Variants in ATXN7L1 observed in about 807,000 individuals in gnomAD.
ATXN7L1 encodes the protein ataxin-7-like protein 1.
A neutral mutation model predicts 70.8 loss-of-function variants in ATXN7L1; 15 were observed. That is an observed-to-expected ratio of 0.21 (90% CI 0.14 to 0.33). The LOEUF (loss-of-function observed/expected upper bound fraction) is 0.33. Among genes scored for constraint, ATXN7L1 ranks in the 10% least tolerant of loss-of-function variants. The pLI is 1.00. For synonymous variants in ATXN7L1, 440 were observed against 445.1 expected (o/e 0.99, Z 0.14); for missense variants, 975 against 1,097.1 (o/e 0.89, Z 1.57).
At chr7:105,849,305 G>A (rs777779068) in intron 2 of ATXN7L1, among the ~76,000 whole-genome samples, 4 of 152,192 alleles carry the variant, frequency 2.6e-5, no homozygotes, top group Admixed American at 6.5e-5. Context: ...CCGTCCCTAC[G>A]TAGTGATATG....
At chr7:105,714,284 C>T (rs1365413857) in intron 3 of ATXN7L1, among the ~76,000 whole-genome samples, 1 of 152,190 alleles carries the variant, frequency 6.6e-6, no homozygotes, top group African/African-American at 2.4e-5. Flanking sequence ...CCAGATGGAG[C>T]CCACAGCTCT....
In ATXN7L1 at chr7:105,733,676, A is replaced by T. The variant is rs1157719423; in HGVS notation, c.355+54928T>A. Reference sequence around the variant, plus strand: ...CATCCATCCATCCATCCATCCATCCATCCACCCATCCACCCATCCATCCAT... The same window carrying T: ...CATCCATCCATCCATCCATCCATCCTTCCACCCATCCACCCATCCATCCAT... On this transcript the variant is annotated intron_variant, in intron 3 of 11. Coordinates refer to ENST00000419735, the MANE Select transcript of ATXN7L1 (RefSeq NM_020725.2). Among the ~76,000 whole-genome samples, 56 of 125,212 alleles carry T rather than the reference A, an allele frequency of 4.5e-4. 5 individuals are homozygous for T. The highest frequency in any genetic ancestry group is 6.2e-4 in the Non-Finnish European group (36 of 57,628). 82.1% of individuals were successfully genotyped at this position (125,212 alleles called of 152,430 possible).
intron 3 of ATXN7L1, among the ~76,000 whole-genome samples, chr7:105,671,827 C>A (rs1803753318): frequency 8.0e-6 from 1 of 125,570 alleles, no homozygotes; most frequent in Non-Finnish European, 1.6e-5. Flanking sequence ...GAGGTCAAGG[C>A]TGCAGTGAGC....
At chr7:105,728,610 A>G (rs541500292) in intron 3 of ATXN7L1, among the ~76,000 whole-genome samples, 1 of 152,340 alleles carries the variant, frequency 6.6e-6, no homozygotes, top group East Asian at 1.9e-4. Context: ...GAGAAGGCCC[A>G]GAAGCAGCAA....
chr7:105,779,906 A>G (rs866782136), intron 3 of ATXN7L1, among the ~76,000 whole-genome samples: 51 of 152,252 alleles, frequency 3.3e-4, no homozygotes, highest in African/African-American at 1.2e-3. Context: ...AGTCATATAA[A>G]AGACAACTAA....
intron 8 of ATXN7L1, among the ~76,000 whole-genome samples, chr7:105,621,624 G>A (rs772464093): frequency 3.3e-5 from 5 of 152,320 alleles, no homozygotes; most frequent in South Asian, 2.1e-4. Flanking sequence ...TAGGGCAACC[G>A]GAAGGCTAGC....
intron 2 of ATXN7L1, among the ~76,000 whole-genome samples, chr7:105,852,649 C>A (rs62482788): frequency 0.13 from 19,769 of 151,678 alleles, 1,467 homozygotes; most frequent in Middle Eastern, 0.21. Flanking sequence ...GAGAGGTGCA[C>A]CTCGGCTGGC....
Position 105,605,479 on chromosome 7 carries a change from G to GGGT in ATXN7L1, c.*2372_*2373insACC, listed in dbSNP as rs1554376656. 3 of 100,734 alleles carry GGGT rather than the reference G, an allele frequency of 3.0e-5. No homozygotes were observed. Among genetic ancestry groups the GGGT allele is most frequent in the African/African-American group, 6.8e-5 (2 of 29,320 alleles). The allele number at this position is 100,734 out of a possible 1,614,324, so 6.2% of individuals were successfully genotyped here. On this transcript the variant is annotated 3_prime_UTR_variant, in exon 12 of 12. Coordinates refer to ENST00000419735, the MANE Select transcript of ATXN7L1 (RefSeq NM_020725.2). The stretch of plus-strand genomic sequence containing the variant: ...GTAAGCAGCATTCGATGAGGGTGGG[G>GGGT]GGGGGGGTGGGGGCTCTTTATTCCA...
chr7:105,770,377 G>A (rs1801821071), intron 3 of ATXN7L1, among the ~76,000 whole-genome samples: 1 of 152,204 alleles, frequency 6.6e-6, no homozygotes, highest in African/African-American at 2.4e-5. Flanking sequence ...CCTATAAATG[G>A]ATACCCGTTA....
At chr7:105,712,509 C>A (rs1262673578) in intron 3 of ATXN7L1, among the ~76,000 whole-genome samples, 2 of 152,170 alleles carry the variant, frequency 1.3e-5, no homozygotes, top group East Asian at 3.8e-4. Flanking sequence ...TTAGAAACAA[C>A]CAGGTCACAT....
At chr7:105,802,359 G>A (rs1197751295) in intron 2 of ATXN7L1, among the ~76,000 whole-genome samples, 1 of 152,048 alleles carries the variant, frequency 6.6e-6, no homozygotes, top group East Asian at 1.9e-4. Context: ...CTAAGCATCA[G>A]CCCCCAGTCC....
At chr7:105,841,229 C>T (rs1408840426) in intron 2 of ATXN7L1, among the ~76,000 whole-genome samples, 2 of 152,142 alleles carry the variant, frequency 1.3e-5, no homozygotes, top group Admixed American at 6.5e-5. Flanking sequence ...AGCATGAGAC[C>T]GCAGGTTCTG....
chr7:105,733,492 A>G (rs1173820437), intron 3 of ATXN7L1, among the ~76,000 whole-genome samples: 4 of 149,488 alleles, frequency 2.7e-5, no homozygotes, highest in African/African-American at 9.9e-5. Flanking sequence ...CCATCCATCC[A>G]CCCATCCATC....
In ATXN7L1 at chr7:105,614,090, G is replaced by C; in HGVS notation, c.2244C>G (p.Pro748=). 1 of 1,551,746 alleles carries C rather than the reference G, an allele frequency of 6.4e-7. No homozygotes were observed. Among genetic ancestry groups the C allele is most frequent in the Non-Finnish European group, 8.7e-7 (1 of 1,147,010 alleles). The change falls in exon 10 of 12, where the codon CCC becomes CCG. Residue 748 remains proline (P), a synonymous_variant. Transcript: ENST00000419735. The surrounding 1 kb of genome is among the most constrained non-coding windows in gnomAD (Gnocchi z 4.3). ...GSSDSCPLSV[P]SLALHAGDLS... is the part of the protein sequence containing the mutation. The stretch of plus-strand genomic sequence containing the variant: ...GGTCCCCTGCGTGGAGCGCAAGGGA[G>C]GGCACAGAGAGGGGACAGGAGTCAC...
intron 3 of ATXN7L1, among the ~76,000 whole-genome samples, chr7:105,764,309 A>C (rs1800954963): frequency 6.6e-6 from 1 of 152,080 alleles, no homozygotes; most frequent in Non-Finnish European, 1.5e-5. Flanking sequence ...AAGAAAAAAA[A>C]AAAACCACAA....
chr7:105,691,946 A>C (rs1288746694), intron 3 of ATXN7L1, among the ~76,000 whole-genome samples: 1 of 152,272 alleles, frequency 6.6e-6, no homozygotes, highest in East Asian at 1.9e-4. Context: ...AAGAACAACA[A>C]GCACAGAAAG....
Position 105,775,201 on chromosome 7 carries a change from C to A in ATXN7L1, c.355+13403G>T, listed in dbSNP as rs183232808. 5.3e-5 allele frequency among the ~76,000 whole-genome samples: 8 copies of A among 152,228 alleles called. No homozygotes were observed. The East Asian group carries it at 1.5e-3, about 29-fold the overall frequency. On this transcript the variant is annotated intron_variant, in intron 3 of 11. Transcript: ENST00000419735. Reference sequence around the variant, plus strand: ...AGAAGCGCCTGGCCCTGCAAAGGAGCAAGGGAAAGGTCCTACCCAAACAAT... The same window carrying A: ...AGAAGCGCCTGGCCCTGCAAAGGAGAAAGGGAAAGGTCCTACCCAAACAAT...
chr7:105,608,681 A>G (rs1342708865), intron 11 of ATXN7L1, among the ~76,000 whole-genome samples: 1 of 152,164 alleles, frequency 6.6e-6, no homozygotes, highest in Non-Finnish European at 1.5e-5. Context: ...GAAGGGCTGC[A>G]AGTGTTCTGG....
chr7:105,737,961 T>G (rs1247873731), intron 3 of ATXN7L1, among the ~76,000 whole-genome samples: 2 of 152,150 alleles, frequency 1.3e-5, no homozygotes, highest in Admixed American at 1.3e-4. Flanking sequence ...GGCCCAAGGT[T>G]ACTTACTTGT....
Sources: gnomAD v4.1 joint callset for allele counts (sites outside exome capture counted in the v4.1 genomes callset) on GRCh38, gnomAD v4.1.1 for gene constraint, Gnocchi (gnomAD v3.1) non-coding constraint, MANE v1.5 for transcripts, NCBI Gene and HGNC (gene_info 2026-07-23, HGNC 2026-07-21) for gene names.